The following SYNDIG1L variants were observed in gnomAD, a reference collection of about 807,000 sequenced individuals.
The protein encoded by SYNDIG1L is synapse differentiation inducing 1 like.
SYNDIG1L carries 13 observed loss-of-function variants against 20.1 expected under a neutral mutation model. That is an observed-to-expected ratio of 0.65 (90% CI 0.42 to 1.03). SYNDIG1L has a LOEUF of 1.03. SYNDIG1L is among the 50% of genes least tolerant of loss of function. The probability of loss-of-function intolerance (pLI) is 0.00; values close to 1 mark genes in which losing one functional copy is unlikely to be tolerated. For synonymous variants in SYNDIG1L, 128 were observed against 129.3 expected (o/e 0.99, Z 0.07); for missense variants, 294 against 305.1 (o/e 0.96, Z 0.27).
At chr14:74,434,017 T>C in the SYNDIG1L span, among the ~76,000 whole-genome samples, 2 of 152,172 alleles carry the variant, frequency 1.3e-5, no homozygotes, top group South Asian at 4.1e-4. Flanking sequence ...GCTTATGTTA[T>C]GAAATGAAGT....
At chr14:74,475,015 G>A in the SYNDIG1L span, among the ~76,000 whole-genome samples, 1 of 152,110 alleles carries the variant, frequency 6.6e-6, no homozygotes, top group Non-Finnish European at 1.5e-5. Context: ...AATCATACAT[G>A]AAAAAGAATG....
chr14:74,428,079 T>C (rs1249054457), upstream of SYNDIG1L, among the ~76,000 whole-genome samples: 1 of 152,268 alleles, frequency 6.6e-6, no homozygotes, highest in East Asian at 1.9e-4. Flanking sequence ...GCTGTTGGTG[T>C]TGTATCAAGG....
chr14:74,439,705 C>T, the SYNDIG1L span, among the ~76,000 whole-genome samples: 1 of 151,714 alleles, frequency 6.6e-6, no homozygotes, highest in Non-Finnish European at 1.5e-5. Context: ...ATTGGAGAAA[C>T]CCCGTCTCTA....
At chr14:74,471,528 G>A in the SYNDIG1L span, among the ~76,000 whole-genome samples, 1 of 152,002 alleles carries the variant, frequency 6.6e-6, no homozygotes, top group Non-Finnish European at 1.5e-5. Flanking sequence ...AGCTTGGGAG[G>A]TTGAGGCTGC....
the SYNDIG1L span, chr14:74,476,639 G>A: frequency 1.0e-5 from 15 of 1,436,300 alleles, no homozygotes; most frequent in Admixed American, 2.0e-5. Flanking sequence ...CAGTCGAGAG[G>A]AGCTGGCCGG....
the SYNDIG1L span, chr14:74,479,984 T>C: frequency 7.3e-7 from 1 of 1,376,250 alleles, no homozygotes; most frequent in Non-Finnish European, 9.4e-7. Flanking sequence ...CAAGAGTAAA[T>C]TTCCAGGTGT....
the SYNDIG1L span, among the ~76,000 whole-genome samples, chr14:74,449,435 T>C: frequency 2.4e-4 from 6 of 25,154 alleles, no homozygotes; most frequent in Non-Finnish European, 4.2e-4. Flanking sequence ...AATCCTGTCT[T>C]TACAAAAAAA....
the SYNDIG1L span, among the ~76,000 whole-genome samples, chr14:74,450,702 G>A: frequency 6.6e-6 from 1 of 152,098 alleles, no homozygotes; most frequent in Admixed American, 6.6e-5. Flanking sequence ...GAAAAGATAA[G>A]CCATCGTTTG....
the SYNDIG1L span, among the ~76,000 whole-genome samples, chr14:74,432,796 G>A: frequency 6.6e-6 from 1 of 152,066 alleles, no homozygotes; most frequent in Admixed American, 6.5e-5. Context: ...GGAGGTTGCA[G>A]TGAGTCGAGA....
At chr14:74,476,012 T>C in the SYNDIG1L span, among the ~76,000 whole-genome samples, 1 of 152,186 alleles carries the variant, frequency 6.6e-6, no homozygotes. Flanking sequence ...TTTCTCTTTG[T>C]TTTAGTAAAA....
chr14:74,461,838 T>C, the SYNDIG1L span, among the ~76,000 whole-genome samples: 17,625 of 146,066 alleles, frequency 0.12, 2,042 homozygotes, highest in African/African-American at 0.3. Context: ...GCCAGCACTT[T>C]GGGAGGCTGA....
chr14:74,443,738 C>T, the SYNDIG1L span, among the ~76,000 whole-genome samples: 52 of 152,232 alleles, frequency 3.4e-4, no homozygotes, highest in Non-Finnish European at 4.7e-4. Flanking sequence ...GAAAGGGAGA[C>T]CTGGAGGATG....
chr14:74,457,510 T>C, the SYNDIG1L span, among the ~76,000 whole-genome samples: 5,659 of 152,022 alleles, frequency 0.037, 286 homozygotes, highest in African/African-American at 0.11. Context: ...CCTCCAGAGA[T>C]GCTGCCATCC....
intron 1 of SYNDIG1L, 118 bp from the exon 2 acceptor site, chr14:74,409,919 G>A (rs755758857): frequency 4.2e-5 from 32 of 762,848 alleles, no homozygotes; most frequent in African/African-American, 1.8e-5. Context: ...TCTGCCCTTT[G>A]CAAGATGCAG....
the SYNDIG1L span, among the ~76,000 whole-genome samples, chr14:74,462,549 G>C: frequency 9.1e-4 from 138 of 151,266 alleles, 1 homozygote; most frequent in African/African-American, 3.3e-3. Flanking sequence ...TTAAATGCCC[G>C]GGCTGGAGTG....
At chr14:74,420,378 G>T (rs1397880629) in intron 1 of SYNDIG1L, among the ~76,000 whole-genome samples, 2 of 136,770 alleles carry the variant, frequency 1.5e-5, no homozygotes, top group Non-Finnish European at 3.1e-5. Flanking sequence ...GTGTGACAGA[G>T]TGAGACTCTG....
In SYNDIG1L at chr14:74,406,013, C is replaced by T. The variant is rs548937455; in HGVS notation, c.*1522G>A. ...CCCGAGGCAGGGGAGGACAGTGGGA[C>T]AAGGGATGCTCAGTGGTGGAGCCAC... On this transcript the variant is annotated 3_prime_UTR_variant, in exon 4 of 4. Transcript: ENST00000331628. The T allele has an allele frequency of 3.2e-4, 128 of 398,888 alleles. No individual in the cohort carries two copies. Among genetic ancestry groups the T allele is most frequent in the African/African-American group, 2.1e-3 (102 of 48,734 alleles). The allele number at this position is 398,888 out of a possible 1,614,324, so 24.7% of individuals were successfully genotyped here.
At chr14:74,457,746 A>G in the SYNDIG1L span, among the ~76,000 whole-genome samples, 2,224 of 151,928 alleles carry the variant, frequency 0.015, 50 homozygotes, top group African/African-American at 0.052. Flanking sequence ...CTCTCTCCAA[A>G]GCTTATTAGG....
chr14:74,436,620 G>A, the SYNDIG1L span, among the ~76,000 whole-genome samples: 23 of 151,776 alleles, frequency 1.5e-4, no homozygotes, highest in Admixed American at 1.2e-3. Flanking sequence ...GGGCCGAGGC[G>A]GGCGGATCTT....
Sources: gnomAD v4.1 joint callset for allele counts (sites outside exome capture counted in the v4.1 genomes callset) on GRCh38, gnomAD v4.1.1 for gene constraint, MANE v1.5 for transcripts, NCBI Gene and HGNC (gene_info 2026-07-23, HGNC 2026-07-21) for gene names.